PASK: variants seen among roughly 807,000 people sequenced by gnomAD.
PASK encodes PAS domain containing serine/threonine kinase, also known as PAS domain-containing serine/threonine-protein kinase.
In PASK, 110 loss-of-function variants were observed where a neutral mutation model predicts 121.0. That is an observed-to-expected ratio of 0.91 (90% CI 0.78 to 1.06). PASK has a LOEUF of 1.06. Ranked by LOEUF, PASK falls within the 50% of genes least tolerant of loss-of-function variation. The pLI is 0.00. For synonymous variants in PASK, 686 were observed against 717.8 expected, an observed-to-expected ratio of 0.96 and a Z score of 0.71; for missense variants, 1,643 against 1,702.3, an observed-to-expected ratio of 0.97 and a Z score of 0.61.
intron 12 of PASK, 26 bp downstream of exon 12, chr2:241,122,706 C>T: frequency 6.2e-7 from 1 of 1,610,736 alleles, no homozygotes; most frequent in South Asian, 1.1e-5. Context: ...GTGCCCGGCG[C>T]CACTCCCCCC....
At chr2:241,121,654 CTAAAAG>C (rs1397079484) in intron 12 of PASK, among the ~76,000 whole-genome samples, 3 of 151,990 alleles carry the variant, frequency 2.0e-5, no homozygotes, top group East Asian at 1.9e-4. Flanking sequence ...ACATAAATGA[CTAAAAG>C]TAAAAGAATG....
At position 241,107,287 on chromosome 2, in the gene PASK, G is replaced by C. The variant is rs893513885; in HGVS notation, c.3814+66C>G. 3 of 1,423,472 alleles carry C rather than the reference G, an allele frequency of 2.1e-6. No homozygotes were observed. In the East Asian group the frequency reaches 6.9e-5, roughly 33 times the overall value. The allele number at this position is 1,423,472 out of a possible 1,614,324, so 88.2% of individuals were successfully genotyped here. A position where few individuals can be genotyped will look rare whatever the true frequency, so the allele number is the denominator to read the frequency against. On this transcript the variant is annotated intron_variant, in intron 17 of 17. Coordinates refer to ENST00000234040, the MANE Select transcript of PASK (RefSeq NM_015148.4). Reference sequence around the variant, plus strand: ...CTTTTCCTCCTTTTGACCTAGGAAGGCAGCCTGGGGACCTCGTTATTCCAA... The same window carrying C: ...CTTTTCCTCCTTTTGACCTAGGAAGCCAGCCTGGGGACCTCGTTATTCCAA...
chr2:241,133,158 C>A (rs1376347787), intron 8 of PASK, 128 bp from the exon 9 acceptor site: 2 of 896,978 alleles, frequency 2.2e-6, no homozygotes, highest in African/African-American at 1.6e-5. Flanking sequence ...CTCACCACCC[C>A]AGGCGTCCCA....
At chr2:241,132,527 T>TAAAAAAAAAAAAAAAA (rs71049553) in intron 9 of PASK, among the ~76,000 whole-genome samples, 1 of 39,532 alleles carries the variant, frequency 2.5e-5, no homozygotes, top group African/African-American at 1.0e-4. Context: ...AGACTCTGTC[T>TAAAAAAAAAAAAAAAA]AAAAAAAAAA....
chr2:241,150,009 C>T (rs2067210051), upstream of PASK: 7 of 1,402,606 alleles, frequency 5.0e-6, no homozygotes, highest in South Asian at 1.1e-4. Flanking sequence ...TCTTGCCGTT[C>T]GGCCCATTGT....
At chr2:241,111,346 G>C (rs3815304) in intron 15 of PASK, among the ~76,000 whole-genome samples, 1 of 152,144 alleles carries the variant, frequency 6.6e-6, no homozygotes, top group Non-Finnish European at 1.5e-5. Flanking sequence ...GGGCCAGGAG[G>C]GTCCAAGCAG....
chr2:241,111,454 G>A (rs888723145), intron 15 of PASK, among the ~76,000 whole-genome samples: 2 of 152,182 alleles, frequency 1.3e-5, no homozygotes, highest in Non-Finnish European at 2.9e-5. Context: ...GAAAACACCT[G>A]CTATCTATTT....
At chr2:241,124,990 C>G (rs972306870) in intron 10 of PASK, among the ~76,000 whole-genome samples, 2 of 146,688 alleles carry the variant, frequency 1.4e-5, no homozygotes, top group Admixed American at 6.7e-5. Flanking sequence ...CACGGTGAAA[C>G]CCCATCTCTA....
chr2:241,140,221 G>GCGGCGCAATCAGAGCTCACTGCAA (rs2066640818), intron 3 of PASK, among the ~76,000 whole-genome samples, 166 bp from the exon 4 acceptor site: 1 of 109,592 alleles, frequency 9.1e-6, no homozygotes, highest in Non-Finnish European at 1.7e-5. Flanking sequence ...GCTCACTGCA[G>GCGGCGCAATCAGAGCTCACTGCAA]CGGCGCAATC....
chr2:241,114,512 A>G, intron 14 of PASK: 1 of 1,000,872 alleles, frequency 1.0e-6, no homozygotes, highest in South Asian at 4.3e-5. Flanking sequence ...GTGCCTTCCT[A>G]TTTGGATCAT....
intron 8 of PASK, among the ~76,000 whole-genome samples, chr2:241,135,465 A>G (rs2125444647): frequency 6.6e-6 from 1 of 152,220 alleles, no homozygotes; most frequent in South Asian, 2.1e-4. Flanking sequence ...GTATAAGTGG[A>G]CCCTCTAATG....
chr2:241,142,551 T>A (rs2125455260), intron 2 of PASK, among the ~76,000 whole-genome samples: 1 of 152,314 alleles, frequency 6.6e-6, no homozygotes, highest in African/African-American at 2.4e-5. Flanking sequence ...TACTCTAAAG[T>A]AAGAAATAAC....
At chr2:241,122,281 G>C (rs1335136032) in intron 12 of PASK, among the ~76,000 whole-genome samples, 2 of 152,066 alleles carry the variant, frequency 1.3e-5, no homozygotes, top group Non-Finnish European at 2.9e-5. Flanking sequence ...AAAGTCACAA[G>C]ATTGAAAATA....
At chr2:241,139,259 A>G (rs923455674) in intron 4 of PASK, among the ~76,000 whole-genome samples, 2 of 152,228 alleles carry the variant, frequency 1.3e-5, no homozygotes, top group African/African-American at 2.4e-5. Context: ...CTGGATGACT[A>G]CTAGAGCCTC....
Position 241,122,824 on chromosome 2 carries a change from C to T in PASK, c.2980G>A (p.Glu994Lys), listed in dbSNP as rs866190090. 1.9e-5 allele frequency: 31 copies of T among 1,614,018 alleles called. No individual in the cohort carries two copies. The highest frequency in any genetic ancestry group is 2.5e-5 in the Non-Finnish European group (30 of 1,179,974). The change falls in exon 12 of 18, where the codon GAG (glutamate) becomes AAG (lysine). Residue 994 changes from glutamate (E) to lysine (K), a missense_variant. Glu to Lys is a moderately conservative substitution (Grantham distance 56). This residue lies in a region of PASK where 453 missense variants were observed against 511.2 expected (regional missense o/e 0.89). Transcript: ENST00000234040. ...ATGGTACTGTACTTTTGGGAGTACT[C>T]GCCCTCACAGGCCGCCAACCCCTCC... is the stretch of plus-strand genomic sequence containing the variant. ...ELEGLAACEG[E>K]YSQKYSTMSP...
At chr2:241,143,782 T>A (rs759626708) in intron 1 of PASK, among the ~76,000 whole-genome samples, 15 of 151,950 alleles carry the variant, frequency 9.9e-5, no homozygotes, top group Non-Finnish European at 2.2e-4. Flanking sequence ...AAACAGTGAG[T>A]CCTGACCATC....
chr2:241,130,300 T>G (rs1245919097), intron 9 of PASK, among the ~76,000 whole-genome samples: 1 of 152,180 alleles, frequency 6.6e-6, no homozygotes, highest in Non-Finnish European at 1.5e-5. Context: ...AATCAAACTC[T>G]CAGAACTGTG....
At chr2:241,128,046 G>A (rs1360796867) in intron 9 of PASK, among the ~76,000 whole-genome samples, 2 of 152,222 alleles carry the variant, frequency 1.3e-5, no homozygotes, top group East Asian at 1.9e-4. Flanking sequence ...TTGGGAGGCC[G>A]AGGTGGGCAG....
At chr2:241,137,465 C>CA (rs1311342223) in intron 6 of PASK, among the ~76,000 whole-genome samples, 1 of 152,186 alleles carries the variant, frequency 6.6e-6, no homozygotes, top group Non-Finnish European at 1.5e-5. Flanking sequence ...GGGGAGGACT[C>CA]AGTGTCCAGA....
Sources: allele counts gnomAD v4.1 joint callset (sites outside exome capture counted in the v4.1 genomes callset), GRCh38; gene constraint gnomAD v4.1.1; regional missense constraint gnomAD v4.1.1; transcripts MANE v1.5; gene names NCBI Gene and HGNC (gene_info 2026-07-23, HGNC 2026-07-21).